The following SLC38A12 variants were observed in gnomAD, a reference collection of about 807,000 sequenced individuals.
SLC38A12 encodes the protein solute carrier family 38 member 12.
the SLC38A12 span, chr17:74,795,419 C>G: frequency 2.0e-6 from 2 of 981,458 alleles, no homozygotes; most frequent in South Asian, 3.2e-5. Flanking sequence ...TGTGAAAAGT[C>G]TGATTGTTGG....
At chr17:74,826,285 GC>G in the SLC38A12 span, among the ~76,000 whole-genome samples, 1 of 152,206 alleles carries the variant, frequency 6.6e-6, no homozygotes, top group Non-Finnish European at 1.5e-5. Flanking sequence ...TCAGACACTT[GC>G]CCTTCACCAG....
chr17:74,813,747 C>A, the SLC38A12 span, among the ~76,000 whole-genome samples: 1 of 151,856 alleles, frequency 6.6e-6, no homozygotes, highest in Admixed American at 6.6e-5. Flanking sequence ...GTGATCTGCC[C>A]GCCTTGGCCT....
chr17:74,796,099 C>T, the SLC38A12 span, among the ~76,000 whole-genome samples: 2 of 152,178 alleles, frequency 1.3e-5, no homozygotes, highest in African/African-American at 4.8e-5. Context: ...CCTATCTTCC[C>T]TCCTCTCATC....
chr17:74,779,546 G>A, the SLC38A12 span, among the ~76,000 whole-genome samples: 238 of 152,284 alleles, frequency 1.6e-3, no homozygotes, highest in African/African-American at 5.4e-3. Context: ...TAACTCCCCC[G>A]TCCTGGAACA....
chr17:74,819,282 G>A, the SLC38A12 span, among the ~76,000 whole-genome samples: 6 of 152,228 alleles, frequency 3.9e-5, no homozygotes, highest in Non-Finnish European at 7.3e-5. Flanking sequence ...GCGAGGCTTC[G>A]TCAGGGCTCC....
chr17:74,781,682 C>G, the SLC38A12 span, among the ~76,000 whole-genome samples: 4 of 152,212 alleles, frequency 2.6e-5, no homozygotes, highest in South Asian at 8.3e-4. Flanking sequence ...ATAAGTATTA[C>G]TGCCTACAGA....
At chr17:74,837,109 T>G in the SLC38A12 span, 1 of 993,318 alleles carries the variant, frequency 1.0e-6, no homozygotes, top group Non-Finnish European at 1.2e-6. Flanking sequence ...CCTGCGTCCT[T>G]GTCTAAGAAA....
chr17:74,831,330 G>A, the SLC38A12 span, among the ~76,000 whole-genome samples: 3 of 152,200 alleles, frequency 2.0e-5, no homozygotes, highest in African/African-American at 7.2e-5. Flanking sequence ...TCCCCAGATG[G>A]CCAGCATAGT....
At chr17:74,825,249 A>G in the SLC38A12 span, among the ~76,000 whole-genome samples, 2 of 151,992 alleles carry the variant, frequency 1.3e-5, no homozygotes, top group Non-Finnish European at 1.5e-5. Flanking sequence ...CCACCCTCCA[A>G]CTGGGCCACT....
At chr17:74,806,000 G>A in the SLC38A12 span, among the ~76,000 whole-genome samples, 6 of 152,188 alleles carry the variant, frequency 3.9e-5, no homozygotes, top group African/African-American at 9.7e-5. The surrounding 1 kb of genome is among the most constrained non-coding windows in gnomAD (Gnocchi z 5.0). Flanking sequence ...AGACGCAAGC[G>A]GCCTCATGGG....
At chr17:74,823,140 C>T in the SLC38A12 span, among the ~76,000 whole-genome samples, 1 of 152,168 alleles carries the variant, frequency 6.6e-6, no homozygotes, top group Non-Finnish European at 1.5e-5. Context: ...ACACTCGCGC[C>T]GCACCCCTTC....
chr17:74,789,091 C>A, the SLC38A12 span, among the ~76,000 whole-genome samples: 1 of 152,320 alleles, frequency 6.6e-6, no homozygotes, highest in African/African-American at 2.4e-5. Context: ...GCCCTCCTAC[C>A]CACACCCGCA....
At chr17:74,828,402 G>A in the SLC38A12 span, among the ~76,000 whole-genome samples, 2 of 152,194 alleles carry the variant, frequency 1.3e-5, no homozygotes, top group South Asian at 2.1e-4. Flanking sequence ...TGCACAACTC[G>A]GACACCCAAA....
At chr17:74,782,296 C>T in the SLC38A12 span, among the ~76,000 whole-genome samples, 1 of 152,156 alleles carries the variant, frequency 6.6e-6, no homozygotes. Context: ...TCGAACTCCT[C>T]AGCTCAGGCA....
the SLC38A12 span, among the ~76,000 whole-genome samples, chr17:74,800,086 C>T: frequency 1.3e-5 from 2 of 152,254 alleles, no homozygotes; most frequent in Non-Finnish European, 2.9e-5. Flanking sequence ...AGACAGACAA[C>T]AGCTCAGCTC....
At chr17:74,819,731 T>A in the SLC38A12 span, 1 of 1,613,300 alleles carries the variant, frequency 6.2e-7, no homozygotes, top group Non-Finnish European at 8.5e-7. Flanking sequence ...CCCTCCTCAC[T>A]CTTGTTTCCA....
At chr17:74,813,283 C>T in the SLC38A12 span, among the ~76,000 whole-genome samples, 1 of 152,222 alleles carries the variant, frequency 6.6e-6, no homozygotes, top group Non-Finnish European at 1.5e-5. Flanking sequence ...GGGACCCTCC[C>T]CTGGGCATCA....
chr17:74,790,598 T>A, the SLC38A12 span, among the ~76,000 whole-genome samples: 1 of 152,076 alleles, frequency 6.6e-6, no homozygotes, highest in Non-Finnish European at 1.5e-5. Context: ...GTTCCTTGCC[T>A]GGTGCACCCT....
the SLC38A12 span, among the ~76,000 whole-genome samples, chr17:74,798,066 C>T: frequency 6.6e-6 from 1 of 152,204 alleles, no homozygotes; most frequent in African/African-American, 2.4e-5. Flanking sequence ...TTCAGCAAGG[C>T]AGCGAGCAGG....
Sources: gnomAD v4.1 joint callset for allele counts (sites outside exome capture counted in the v4.1 genomes callset) on GRCh38, gnomAD v4.1.1 for gene constraint, Gnocchi (gnomAD v3.1) non-coding constraint, MANE v1.5 for transcripts, NCBI Gene and HGNC (gene_info 2026-07-23, HGNC 2026-07-21) for gene names.